STRN: variants seen among roughly 807,000 people sequenced by gnomAD.
STRN encodes striatin, also known as protein phosphatase 2 regulatory subunit B'''alpha.
In STRN, 53 loss-of-function variants were observed where a neutral mutation model predicts 96.3. That is an observed-to-expected ratio of 0.55 (90% CI 0.44 to 0.69). The LOEUF is 0.69. Ranked by LOEUF, STRN falls within the 30% of genes least tolerant of loss-of-function variation. The pLI is 0.00. For missense variants in STRN, 987 were observed against 963.9 expected (o/e 1.02, Z -0.32); for synonymous variants, 428 against 355.9 (o/e 1.20, Z -2.28).
intron 1 of STRN, among the ~76,000 whole-genome samples, chr2:36,962,576 G>T (rs1300495331): frequency 1.3e-5 from 2 of 151,278 alleles, no homozygotes; most frequent in Non-Finnish European, 2.9e-5. Flanking sequence ...CGCCAGGCTG[G>T]AGTGCAGTGG....
At chr2:36,890,690 G>C (rs578192863) in intron 7 of STRN, among the ~76,000 whole-genome samples, 1 of 152,090 alleles carries the variant, frequency 6.6e-6, no homozygotes, top group South Asian at 2.1e-4. Flanking sequence ...CACCAGGTTA[G>C]CCAGGCTAGT....
chr2:36,955,673 A>G (rs1664869659), intron 1 of STRN, among the ~76,000 whole-genome samples: 1 of 152,108 alleles, frequency 6.6e-6, no homozygotes, highest in Admixed American at 6.6e-5. Flanking sequence ...AGTCCTTAAT[A>G]TCTACAAGCT....
At chr2:36,909,300 C>G (rs1415237483) in intron 3 of STRN, among the ~76,000 whole-genome samples, 1 of 151,836 alleles carries the variant, frequency 6.6e-6, no homozygotes, top group Non-Finnish European at 1.5e-5. Flanking sequence ...CTTGCCTTGT[C>G]AAGTTCAAAA....
Position 36,851,041 on chromosome 2 carries a change from G to A in STRN, c.2045C>T (p.Ala682Val). ...SHPTLPISIT[A>V]HEDRHIKFYD... is the part of the protein sequence containing the mutation. ...GAATTTGATGTGCCTGTCTTCATGA[G>A]CAGTGATGCTGATCGGAAGAGTAGG... is the stretch of plus-strand genomic sequence containing the variant. Residue 682 changes from alanine (A) to valine (V), a missense_variant, in exon 16 of 18, where the codon GCT (alanine) becomes GTT (valine). Physicochemically the swap from Ala to Val is moderately conservative, Grantham distance 64. Coordinates refer to ENST00000263918, the MANE Select transcript of STRN (RefSeq NM_003162.4). 1 of 1,613,584 alleles carries A rather than the reference G, an allele frequency of 6.2e-7. No individual in the cohort carries two copies. The highest frequency in any genetic ancestry group is 8.5e-7 in the Non-Finnish European group (1 of 1,179,788).
At chr2:36,896,318 T>C (rs1669539160) in intron 6 of STRN, among the ~76,000 whole-genome samples, 1 of 152,240 alleles carries the variant, frequency 6.6e-6, no homozygotes, top group Non-Finnish European at 1.5e-5. Context: ...CATTTATTAC[T>C]GTCATTGCAG....
intron 11 of STRN, 56 bp downstream of exon 11, chr2:36,869,498 T>G: frequency 7.5e-7 from 1 of 1,337,544 alleles, no homozygotes; most frequent in Admixed American, 2.9e-5. Flanking sequence ...TATGTAGTTT[T>G]CTGCTGAAAA....
intron 8 of STRN, among the ~76,000 whole-genome samples, chr2:36,885,181 A>T (rs1009049261): frequency 6.6e-6 from 1 of 152,198 alleles, no homozygotes; most frequent in Admixed American, 6.5e-5. Context: ...TTCCAACTAC[A>T]GCAATGCCTT....
At chr2:36,879,315 C>G (rs2540920) in intron 9 of STRN, among the ~76,000 whole-genome samples, 1 of 152,088 alleles carries the variant, frequency 6.6e-6, no homozygotes, top group East Asian at 1.9e-4. Flanking sequence ...GGTGATCCAC[C>G]GACCTTGGCC....
rs6722308 is a variant in STRN, at chr2:36,959,293, T to A, written c.234+6937A>T. On this transcript the variant is annotated intron_variant, in intron 1 of 17. Transcript: ENST00000263918. ...AAATAAGCATCAGTGTGGCTCTGCT[T>A]ACCTCAGAAGGTTGTACAGTTTAAA... 4.2e-3 allele frequency among the ~76,000 whole-genome samples: 640 copies of A among 152,292 alleles called. 5 individuals are homozygous for A. Among genetic ancestry groups the A allele is most frequent in the African/African-American group, 0.015 (619 of 41,558 alleles).
chr2:36,944,473 AATTAAATCC>A (rs1297928590), intron 1 of STRN, among the ~76,000 whole-genome samples: 1 of 152,144 alleles, frequency 6.6e-6, no homozygotes, highest in African/African-American at 2.4e-5. Context: ...ATCCTTTAAA[AATTAAATCC>A]ATTACATAAG....
intron 3 of STRN, among the ~76,000 whole-genome samples, chr2:36,909,238 G>C (rs1002675475): frequency 6.6e-6 from 1 of 151,466 alleles, no homozygotes; most frequent in Non-Finnish European, 1.5e-5. Context: ...CTCAGGCTAA[G>C]CTCGCAGTTC....
chr2:36,853,992 AG>A (rs1006573912), intron 15 of STRN, among the ~76,000 whole-genome samples: 1 of 152,188 alleles, frequency 6.6e-6, no homozygotes, highest in Non-Finnish European at 1.5e-5. Flanking sequence ...TCAAGTAAAA[AG>A]TCCTATTAAT....
At chr2:36,884,767 A>C (rs1055727115) in intron 8 of STRN, among the ~76,000 whole-genome samples, 3 of 152,172 alleles carry the variant, frequency 2.0e-5, no homozygotes, top group Non-Finnish European at 4.4e-5. Flanking sequence ...GACTGGAAAT[A>C]TCTCTACTAG....
At chr2:36,903,025 TA>T (rs1459652842) in intron 4 of STRN, 3 of 204,340 alleles carry the variant, frequency 1.5e-5, no homozygotes, top group Non-Finnish European at 2.9e-5. Flanking sequence ...TTAATATATC[TA>T]ATAGCACATT....
chr2:36,919,279 T>C lies in STRN; in HGVS notation c.339-3128A>G, dbSNP rs146923477. Among the ~76,000 whole-genome samples the C allele has an allele frequency of 4.1e-4, 62 of 152,278 alleles. No homozygotes were observed. In the East Asian group the frequency reaches 0.01, roughly 26 times the overall value. On this transcript the variant is annotated intron_variant, in intron 2 of 17. Coordinates refer to ENST00000263918, the MANE Select transcript of STRN (RefSeq NM_003162.4). Reference sequence around the variant, plus strand: ...ACTACAGCATACTGTGTAAGAGCTATAAGGGCTACTAGCAAGTATTACAAG... The same window carrying C: ...ACTACAGCATACTGTGTAAGAGCTACAAGGGCTACTAGCAAGTATTACAAG...
Position 36,878,162 on chromosome 2 carries a change from T to C in STRN, c.1187-135A>G. The C allele has an allele frequency of 3.2e-6, 3 of 949,442 alleles. No individual in the cohort carries two copies. The South Asian group carries it at 5.7e-5, about 18-fold the overall frequency. 58.8% of individuals were successfully genotyped at this position (949,442 alleles called of 1,614,324 possible). A position where few individuals can be genotyped will look rare whatever the true frequency, so the allele number is the denominator to read the frequency against. ...TTAAATGCTTTTAAACACAATAAAA[T>C]TCAGTGAGCAGAAAATCCTAAATAA... On this transcript the variant is annotated intron_variant, in intron 9 of 17. Transcript: ENST00000263918.
Position 36,865,802 on chromosome 2 carries a change from C to T in STRN, c.1547+2012G>A, listed in dbSNP as rs185285990. Among the ~76,000 whole-genome samples, 183 of 151,858 alleles carry T rather than the reference C, an allele frequency of 1.2e-3. 2 individuals are homozygous for T. The highest frequency in any genetic ancestry group is 4.2e-3 in the African/African-American group (173 of 41,396). ...GTCTCAAACTCCTGACCTTGTGATCCGCCTGCCTCAACCTCCCAAAGTGCT... is the reference window on the plus strand; with the variant it reads ...GTCTCAAACTCCTGACCTTGTGATCTGCCTGCCTCAACCTCCCAAAGTGCT... On this transcript the variant is annotated intron_variant, in intron 12 of 17. Coordinates refer to ENST00000263918, the MANE Select transcript of STRN (RefSeq NM_003162.4).
At chr2:36,963,043 C>A (rs1665067017) in intron 1 of STRN, among the ~76,000 whole-genome samples, 1 of 152,144 alleles carries the variant, frequency 6.6e-6, no homozygotes, top group Non-Finnish European at 1.5e-5. Flanking sequence ...CCATGAACTA[C>A]TGCCTAATCT....
At chr2:36,959,295 C>A (rs1387430990) in intron 1 of STRN, among the ~76,000 whole-genome samples, 1 of 152,128 alleles carries the variant, frequency 6.6e-6, no homozygotes, top group East Asian at 1.9e-4. Context: ...GCTCTGCTTA[C>A]CTCAGAAGGT....
Sources: gnomAD v4.1 joint callset for allele counts (sites outside exome capture counted in the v4.1 genomes callset) on GRCh38, gnomAD v4.1.1 for gene constraint, MANE v1.5 for transcripts, NCBI Gene and HGNC (gene_info 2026-07-23, HGNC 2026-07-21) for gene names.